The following SH3PXD2A variants were observed in gnomAD, a reference collection of about 807,000 sequenced individuals.
SH3PXD2A encodes SH3 and PX domain-containing protein 2A.
In SH3PXD2A, 32 loss-of-function variants were observed where a neutral mutation model predicts 115.2. The observed-to-expected ratio is 0.28, with a 90% confidence interval of 0.21 to 0.37. The LOEUF (loss-of-function observed/expected upper bound fraction) is 0.37, where lower values mean the gene tolerates loss of function less well. Among genes scored for constraint, SH3PXD2A ranks in the 10% least tolerant of loss-of-function variants. SH3PXD2A has a pLI of 1.00. For missense variants in SH3PXD2A, 1,328 were observed against 1,498.7 expected (o/e 0.89, Z 1.88); for synonymous variants, 610 against 629.1 (o/e 0.97, Z 0.45).
chr10:103,603,341 C>T lies in SH3PXD2A; in HGVS notation c.1877G>A (p.Arg626Gln), dbSNP rs759640059. ...TGACAGGGTGTCCTCTGCATATGGC[C>T]GGAAGCCCTCATTCTCATAGATGGT... ...EETIYENEGF[R>Q]PYAEDTLSAR... Residue 626 changes from arginine (R) to glutamine (Q), a missense_variant, in exon 15 of 15, where the codon CGG (arginine) becomes CAG (glutamine). Arg to Gln is a conservative substitution (Grantham distance 43). Around this residue, in one of 5 missense-constraint regions of SH3PXD2A, gnomAD observed 509 missense variants for 628.3 expected, o/e 0.81. Transcript: ENST00000369774. 85 of 1,614,054 alleles carry T rather than the reference C, an allele frequency of 5.3e-5. 1 individual carries two copies. In the South Asian group the frequency reaches 7.5e-4, roughly 14 times the overall value.
At chr10:103,681,883 G>A (rs894152462) in intron 6 of SH3PXD2A, among the ~76,000 whole-genome samples, 2 of 152,196 alleles carry the variant, frequency 1.3e-5, no homozygotes, top group Non-Finnish European at 1.5e-5. Context: ...TTTGAGACCA[G>A]CCTGGGCAAT....
chr10:103,769,175 T>TGCGCGC (rs1414673863), intron 2 of SH3PXD2A, among the ~76,000 whole-genome samples: 64 of 103,774 alleles, frequency 6.2e-4, no homozygotes, highest in African/African-American at 2.8e-3. Context: ...TGTGTGTGTG[T>TGCGCGC]GTGTGTGCGC....
intron 6 of SH3PXD2A, among the ~76,000 whole-genome samples, chr10:103,686,551 C>T (rs1314223400): frequency 2.0e-5 from 3 of 152,146 alleles, no homozygotes; most frequent in Non-Finnish European, 4.4e-5. Flanking sequence ...CAGGCCCTTC[C>T]TACTGCCAGG....
Position 103,760,344 on chromosome 10 carries a change from G to A in SH3PXD2A, c.229+6750C>T, listed in dbSNP as rs150446252. Among the ~76,000 whole-genome samples the A allele has an allele frequency of 2.9e-3, 438 of 152,226 alleles. 3 individuals carry two copies. The highest frequency in any genetic ancestry group is 9.9e-3 in the African/African-American group (412 of 41,518). ...AACACTTTGGGAAGCCAAGGCAGGT[G>A]GATCACTTGAGTCCAGGAGTTTGAG... On this transcript the variant is annotated intron_variant, in intron 3 of 14. Transcript: ENST00000369774.
intron 6 of SH3PXD2A, among the ~76,000 whole-genome samples, chr10:103,670,777 C>T (rs999137672): frequency 1.3e-5 from 2 of 152,258 alleles, no homozygotes; most frequent in Non-Finnish European, 2.9e-5. Context: ...GCCCAGCTTT[C>T]AAGCCCTGGT....
intron 5 of SH3PXD2A, chr10:103,693,369 T>C (rs550924414): frequency 6.6e-6 from 1 of 150,698 alleles, no homozygotes; most frequent in Non-Finnish European, 1.5e-5. Flanking sequence ...GCGAGGCAGG[T>C]TCTCCTCACT....
intron 3 of SH3PXD2A, chr10:103,754,686 A>G (rs2038619561): frequency 1.3e-5 from 2 of 152,112 alleles, no homozygotes; most frequent in South Asian, 4.1e-4. Flanking sequence ...AGTGATGGGG[A>G]GAGAGGGCTG....
At chr10:103,736,332 G>A (rs2038380488) in intron 3 of SH3PXD2A, among the ~76,000 whole-genome samples, 1 of 152,192 alleles carries the variant, frequency 6.6e-6, no homozygotes, top group Admixed American at 6.5e-5. Context: ...CTCTTCCCTG[G>A]CCTCGCTGCA....
At chr10:103,679,155 G>A (rs61870180) in intron 6 of SH3PXD2A, among the ~76,000 whole-genome samples, 2,108 of 152,302 alleles carry the variant, frequency 0.014, 26 homozygotes, top group Middle Eastern at 0.034. Flanking sequence ...ACCCCTACAT[G>A]GCGTGGCCCC....
intron 7 of SH3PXD2A, among the ~76,000 whole-genome samples, chr10:103,662,385 G>GTT (rs2037322918): frequency 1.0e-5 from 1 of 95,292 alleles, no homozygotes; most frequent in Non-Finnish European, 2.0e-5. Context: ...AATATGATGT[G>GTT]CTTTTTTTTT....
At chr10:103,635,639 C>T (rs767900329) in intron 8 of SH3PXD2A, among the ~76,000 whole-genome samples, 11 of 152,226 alleles carry the variant, frequency 7.2e-5, no homozygotes, top group Non-Finnish European at 1.2e-4. Flanking sequence ...ATTCTGGAGT[C>T]TCTAGCCCTG....
chr10:103,768,240 G>C (rs751364475), intron 2 of SH3PXD2A, among the ~76,000 whole-genome samples: 42 of 152,240 alleles, frequency 2.8e-4, no homozygotes, highest in Non-Finnish European at 5.3e-4. Flanking sequence ...GGGAAGATCA[G>C]ATCAGTGCTG....
At chr10:103,698,280 C>T (rs2037849818) in intron 5 of SH3PXD2A, among the ~76,000 whole-genome samples, 2 of 152,196 alleles carry the variant, frequency 1.3e-5, no homozygotes, top group Admixed American at 6.5e-5. Flanking sequence ...AGGTGGAGTT[C>T]TGCTGAATGC....
At position 103,694,749 on chromosome 10, in the gene SH3PXD2A, T is replaced by C. The variant is rs535648152; in HGVS notation, c.399-1693A>G. 2.0e-5 allele frequency among the ~76,000 whole-genome samples: 3 copies of C among 152,196 alleles called. No individual in the cohort carries two copies. The South Asian group carries it at 6.2e-4, about 32-fold the overall frequency. ...GAAGGGCTGTGGTTTATAAGCCCAC[T>C]GGAAGGAATAAAAACTGCAGCGTGG... is the stretch of plus-strand genomic sequence containing the variant. On this transcript the variant is annotated intron_variant, in intron 5 of 14. Coordinates refer to ENST00000369774, the MANE Select transcript of SH3PXD2A (RefSeq NM_001394015.1).
At chr10:103,608,003 C>CACAA (rs1187275427) in intron 13 of SH3PXD2A, among the ~76,000 whole-genome samples, 16 of 152,028 alleles carry the variant, frequency 1.1e-4, no homozygotes, top group African/African-American at 3.6e-4. Context: ...TACCCAGGGA[C>CACAA]ACAAACACTG....
Position 103,821,719 on chromosome 10 carries a change from C to T in SH3PXD2A, c.73-20357G>A, listed in dbSNP as rs150103981. ...TAGCTGGGACTACAGGGGCGCATCA[C>T]CATGCTGGGTTAATTTTTTGTATTT... On this transcript the variant is annotated intron_variant, in intron 1 of 14. Transcript: ENST00000369774. Among the ~76,000 whole-genome samples the T allele has an allele frequency of 5.8e-4, 88 of 152,130 alleles. 1 individual carries two copies. Among genetic ancestry groups the T allele is most frequent in the Non-Finnish European group, 4.3e-4 (29 of 68,004 alleles).
intron 3 of SH3PXD2A, among the ~76,000 whole-genome samples, chr10:103,753,170 G>C (rs560973514): frequency 1.3e-5 from 2 of 151,914 alleles, no homozygotes; most frequent in South Asian, 4.2e-4. Flanking sequence ...CCCACTTTGT[G>C]GCAAGGACAT....
intron 6 of SH3PXD2A, among the ~76,000 whole-genome samples, chr10:103,680,460 A>G (rs921602958): frequency 7.9e-5 from 12 of 151,540 alleles, no homozygotes; most frequent in African/African-American, 2.7e-4. Context: ...TTATTTTTGT[A>G]GAGAAGGGGT....
rs1564878951 is a variant in SH3PXD2A, at chr10:103,746,310, C to CT, written c.230-10503dup. On this transcript the variant is annotated intron_variant, in intron 3 of 14. Transcript: ENST00000369774. The surrounding 1 kb of genome is among the most constrained non-coding windows in gnomAD (Gnocchi z 4.4). ...GCAGTGGGACCAGAACCATTTCTTT[C>CT]TTTTTTATTTTTATTTATTTATTTA... Among the ~76,000 whole-genome samples the CT allele has an allele frequency of 6.6e-6, 1 of 152,064 alleles. No homozygotes were observed. The highest frequency in any genetic ancestry group is 2.4e-5 in the African/African-American group (1 of 41,420).
Sources: allele counts gnomAD v4.1 joint callset (sites outside exome capture counted in the v4.1 genomes callset), GRCh38; gene constraint gnomAD v4.1.1; regional missense constraint gnomAD v4.1.1; non-coding constraint Gnocchi (gnomAD v3.1); transcripts MANE v1.5; gene names NCBI Gene and HGNC (gene_info 2026-07-23, HGNC 2026-07-21).